Variants in SYNDIG1 observed in about 807,000 individuals in gnomAD.
SYNDIG1 encodes the protein synapse differentiation inducing 1.
A neutral mutation model predicts 19.4 loss-of-function variants in SYNDIG1; 9 were observed. The ratio of observed to expected loss-of-function variants is 0.46; its 90% CI spans 0.28 to 0.81. SYNDIG1 has a LOEUF of 0.81. Among genes scored for constraint, SYNDIG1 ranks in the 30% least tolerant of loss-of-function variants. SYNDIG1 has a pLI of 0.12. For missense variants in SYNDIG1, 311 were observed against 343.3 expected, an observed-to-expected ratio of 0.91 and a Z score of 0.74; for synonymous variants, 141 against 145.9, an observed-to-expected ratio of 0.97 and a Z score of 0.24.
chr20:24,633,716 G>A (rs543693004), intron 3 of SYNDIG1, among the ~76,000 whole-genome samples: 2 of 152,156 alleles, frequency 1.3e-5, no homozygotes, highest in Non-Finnish European at 2.9e-5. Context: ...CTCTGGGGAC[G>A]GGGCTGGCAG....
chr20:24,637,572 C>T (rs2059328380), intron 3 of SYNDIG1, among the ~76,000 whole-genome samples: 1 of 152,182 alleles, frequency 6.6e-6, no homozygotes, highest in Admixed American at 6.5e-5. Flanking sequence ...AGAGAAGACC[C>T]TTCTAAAATG....
intron 2 of SYNDIG1, among the ~76,000 whole-genome samples, chr20:24,571,962 C>G (rs2146946331): frequency 6.6e-6 from 1 of 152,344 alleles, no homozygotes; most frequent in Middle Eastern, 3.4e-3. Context: ...TACCAGATCA[C>G]TGTATCCAGA....
At chr20:24,559,771 T>C (rs1305333321) in intron 2 of SYNDIG1, among the ~76,000 whole-genome samples, 1 of 152,218 alleles carries the variant, frequency 6.6e-6, no homozygotes, top group Admixed American at 6.5e-5. Context: ...GGAAGTTTTT[T>C]TCACTTGTAA....
At chr20:24,561,969 A>G (rs1000786298) in intron 2 of SYNDIG1, among the ~76,000 whole-genome samples, 1 of 152,250 alleles carries the variant, frequency 6.6e-6, no homozygotes. Flanking sequence ...ATGCATTTAG[A>G]TATTCCAGAT....
intron 2 of SYNDIG1, among the ~76,000 whole-genome samples, chr20:24,579,462 T>C (rs1359924822): frequency 6.6e-6 from 1 of 152,200 alleles, no homozygotes; most frequent in Non-Finnish European, 1.5e-5. Flanking sequence ...TGTTGCCCTA[T>C]GAAATATAAG....
intron 1 of SYNDIG1, among the ~76,000 whole-genome samples, chr20:24,500,571 TTTC>T (rs1600449198): frequency 6.6e-6 from 1 of 151,598 alleles, no homozygotes; most frequent in Non-Finnish European, 1.5e-5. Context: ...TCTCTCTCTC[TTTC>T]TTCTTTTTTT....
intron 2 of SYNDIG1, among the ~76,000 whole-genome samples, chr20:24,561,961 G>A (rs1000477496): frequency 6.6e-6 from 1 of 152,218 alleles, no homozygotes; most frequent in Non-Finnish European, 1.5e-5. Flanking sequence ...ATAGAGAAAT[G>A]CATTTAGATA....
intron 1 of SYNDIG1, among the ~76,000 whole-genome samples, chr20:24,490,408 A>G (rs566251948): frequency 2.6e-5 from 4 of 152,230 alleles, no homozygotes; most frequent in African/African-American, 9.6e-5. Context: ...AGGGGAAACC[A>G]AGTCACAGTC....
At chr20:24,494,359 G>A (rs182848080) in intron 1 of SYNDIG1, among the ~76,000 whole-genome samples, 3 of 152,308 alleles carry the variant, frequency 2.0e-5, no homozygotes, top group East Asian at 3.9e-4. Context: ...AGGAGCTGGC[G>A]GGTCCGAGGG....
At chr20:24,542,976 C>A in intron 1 of SYNDIG1, 44 bp from the exon 2 acceptor site, 2 of 1,452,730 alleles carry the variant, frequency 1.4e-6, no homozygotes, top group Non-Finnish European at 1.9e-6. Flanking sequence ...AGCTTGTTTT[C>A]AAGTGTGATT....
At chr20:24,626,900 C>G (rs1600783614) in intron 3 of SYNDIG1, among the ~76,000 whole-genome samples, 1 of 152,338 alleles carries the variant, frequency 6.6e-6, no homozygotes, top group East Asian at 1.9e-4. Flanking sequence ...ACAGCGAAAC[C>G]CCGTCTCCAC....
intron 1 of SYNDIG1, among the ~76,000 whole-genome samples, chr20:24,491,140 T>C (rs1294883522): frequency 6.6e-6 from 1 of 152,186 alleles, no homozygotes; most frequent in African/African-American, 2.4e-5. Context: ...TATGTTTCAA[T>C]AGCAAGCACC....
chr20:24,492,759 C>T (rs919389669), intron 1 of SYNDIG1, among the ~76,000 whole-genome samples: 14 of 152,382 alleles, frequency 9.2e-5, no homozygotes, highest in African/African-American at 3.1e-4. Flanking sequence ...CGCCCATCCC[C>T]CTTTCTCCAT....
At chr20:24,539,763 TTTTGTTTGTTTGTTTG>T (rs140828302) in intron 1 of SYNDIG1, among the ~76,000 whole-genome samples, 209 of 150,382 alleles carry the variant, frequency 1.4e-3, no homozygotes, top group African/African-American at 4.6e-3. Flanking sequence ...TTCAGCAGTG[TTTTGTTTGTTTGTTTG>T]TTTGTTTGTT....
intron 3 of SYNDIG1, among the ~76,000 whole-genome samples, chr20:24,662,869 C>T (rs1338255143): frequency 6.6e-6 from 1 of 152,260 alleles, no homozygotes; most frequent in East Asian, 1.9e-4. Flanking sequence ...AAAGCCTTGC[C>T]TTCAGCTCAG....
chr20:24,588,911 G>A (rs911310192), intron 3 of SYNDIG1, among the ~76,000 whole-genome samples: 3 of 149,538 alleles, frequency 2.0e-5, no homozygotes, highest in Admixed American at 6.7e-5. Flanking sequence ...GTGCAGGTTC[G>A]GAAGCACCTG....
At position 24,586,843 on chromosome 20, in the gene SYNDIG1, C is replaced by T. The variant is rs1486502652; in HGVS notation, c.618+1850C>T. 8.5e-5 allele frequency among the ~76,000 whole-genome samples: 13 copies of T among 152,296 alleles called. No homozygotes were observed. In the East Asian group the frequency reaches 2.5e-3, roughly 29 times the overall value. ...GGAGAGACCAGTCCTTTGTGGTGTC[C>T]GTGGTCTCTGCTGCTCCGTGTGTTC... is the stretch of plus-strand genomic sequence containing the variant. On this transcript the variant is annotated intron_variant, in intron 3 of 3. Coordinates refer to ENST00000376862, the MANE Select transcript of SYNDIG1 (RefSeq NM_024893.3).
intron 2 of SYNDIG1, among the ~76,000 whole-genome samples, chr20:24,555,918 C>T (rs2057805180): frequency 6.6e-6 from 1 of 152,036 alleles, no homozygotes; most frequent in African/African-American, 2.4e-5. Context: ...TAAAGTCTCC[C>T]ATTATTATTG....
At chr20:24,567,829 G>C (rs2058076941) in intron 2 of SYNDIG1, among the ~76,000 whole-genome samples, 1 of 152,210 alleles carries the variant, frequency 6.6e-6, no homozygotes, top group South Asian at 2.1e-4. Flanking sequence ...TCTCCACTGT[G>C]TCTGCAGTTG....
Sources: allele counts gnomAD v4.1 joint callset (sites outside exome capture counted in the v4.1 genomes callset), GRCh38; gene constraint gnomAD v4.1.1; transcripts MANE v1.5; gene names NCBI Gene and HGNC (gene_info 2026-07-23, HGNC 2026-07-21).